SLC17A2: variants seen among roughly 807,000 people sequenced by gnomAD.
The protein encoded by SLC17A2 is solute carrier family 17 member 2, also known as sodium-dependent phosphate transport protein 3.
A neutral mutation model predicts 52.1 loss-of-function variants in SLC17A2; 38 were observed. That is an observed-to-expected ratio of 0.73 (90% CI 0.56 to 0.96). The LOEUF is 0.96. Among genes scored for constraint, SLC17A2 ranks in the 40% least tolerant of loss-of-function variants. The pLI is 0.00. For missense variants in SLC17A2, 508 were observed against 583.9 expected (o/e 0.87, Z 1.34); for synonymous variants, 226 against 211.9 (o/e 1.07, Z -0.58).
chr6:25,919,734 G>C (rs973551606), intron 5 of SLC17A2, among the ~76,000 whole-genome samples: 9 of 96,650 alleles, frequency 9.3e-5, no homozygotes, highest in Non-Finnish European at 1.9e-4. Flanking sequence ...AAAAGGTTTA[G>C]GAAGTTTTTA....
At position 25,920,879 on chromosome 6, in the gene SLC17A2, GTC is replaced by G. The variant is rs1766525512; in HGVS notation, c.562+125_562+126del. 16 of 773,638 alleles carry G rather than the reference GTC, an allele frequency of 2.1e-5. No individual in the cohort carries two copies. In the South Asian group the frequency reaches 2.6e-4, roughly 12 times the overall value. The allele number at this position is 773,638 out of a possible 1,614,324, so 47.9% of individuals were successfully genotyped here. A position where few individuals can be genotyped will look rare whatever the true frequency, so the allele number is the denominator to read the frequency against. ...CATCTTTCCTATTTGTGATGCAAGT[GTC>G]TTATATTGTTGAATTTTTCAGCAGT... On this transcript the variant is annotated intron_variant, in intron 5 of 11. Coordinates refer to ENST00000377850, the MANE Select transcript of SLC17A2 (RefSeq NM_001286123.3).
At chr6:25,927,253 A>G (rs1766801623) in intron 1 of SLC17A2, among the ~76,000 whole-genome samples, 1 of 152,258 alleles carries the variant, frequency 6.6e-6, no homozygotes, top group African/African-American at 2.4e-5. Flanking sequence ...TATCCTTTGT[A>G]GTATTACTCA....
At chr6:25,921,582 T>C (rs1340932749) in intron 3 of SLC17A2, among the ~76,000 whole-genome samples, 170 bp from the exon 4 acceptor site, 1 of 130,020 alleles carries the variant, frequency 7.7e-6, no homozygotes, top group Non-Finnish European at 1.7e-5. Flanking sequence ...AATTTGCTTG[T>C]CTTAGTAGAA....
chr6:25,925,204 C>A (rs1258067423), intron 2 of SLC17A2, among the ~76,000 whole-genome samples: 1 of 152,062 alleles, frequency 6.6e-6, no homozygotes. Context: ...GGGATTCATA[C>A]ATAGGTTGGT....
At position 25,915,977 on chromosome 6, in the gene SLC17A2, T is replaced by TG. The variant is rs1466205302; in HGVS notation, c.931-110dup. On this transcript the variant is annotated intron_variant, in intron 8 of 11. Coordinates refer to ENST00000377850, the MANE Select transcript of SLC17A2 (RefSeq NM_001286123.3). ...TACCCCCATGATACTGTGGGTTGTT[T>TG]GGGGGAAAATTAGCATCCTTTTTCA... 4.9e-6 allele frequency: 5 copies of TG among 1,025,542 alleles called. No homozygotes were observed. In the East Asian group the frequency reaches 1.3e-4, roughly 27 times the overall value. The allele number at this position is 1,025,542 out of a possible 1,614,324, so 63.5% of individuals were successfully genotyped here.
chr6:25,925,080 G>A (rs567058257), intron 2 of SLC17A2, among the ~76,000 whole-genome samples: 1 of 152,088 alleles, frequency 6.6e-6, no homozygotes, highest in South Asian at 2.1e-4. Flanking sequence ...AATTTTTAAT[G>A]GCCAAAAAAG....
At chr6:25,919,764 T>C (rs917137138) in intron 5 of SLC17A2, among the ~76,000 whole-genome samples, 6 of 107,644 alleles carry the variant, frequency 5.6e-5, no homozygotes, top group African/African-American at 2.1e-4. Context: ...TGCAATAGGA[T>C]AGATGGAATT....
At chr6:25,927,216 G>A (rs1038504507) in intron 1 of SLC17A2, among the ~76,000 whole-genome samples, 1 of 152,150 alleles carries the variant, frequency 6.6e-6, no homozygotes, top group Non-Finnish European at 1.5e-5. Context: ...ATAAAGAAAG[G>A]CATAGATGAA....
At chr6:25,919,693 C>T (rs1237935459) in intron 5 of SLC17A2, among the ~76,000 whole-genome samples, 1 of 51,112 alleles carries the variant, frequency 2.0e-5, no homozygotes, top group Non-Finnish European at 4.2e-5. Context: ...GAGTGAGACA[C>T]CGTCTCAAAA....
rs778612356 is a variant in SLC17A2 at position 25,925,806 on chromosome 6, G to A, written c.-10C>T. ...CAGGCTTCCCGTCCATTTAGCTTCT[G>A]TGGGAAATGGTACCACGCTTTGTGG... On this transcript the variant is annotated 5_prime_UTR_variant, in exon 2 of 12. Transcript: ENST00000377850. 6.2e-6 allele frequency: 10 copies of A among 1,613,944 alleles called. No homozygotes were observed. In the African/African-American group the frequency reaches 8.0e-5, roughly 13 times the overall value.
intron 3 of SLC17A2, among the ~76,000 whole-genome samples, chr6:25,922,126 CCAA>C (rs1416327603): frequency 3.3e-5 from 5 of 150,694 alleles, no homozygotes; most frequent in Admixed American, 2.0e-4. Flanking sequence ...AAGTAGAGAG[CCAA>C]AGAATATAAA....
In SLC17A2 at chr6:25,916,697, A is replaced by G. The variant is rs1319293034; in HGVS notation, c.918T>C (p.Val306=). 4.3e-6 allele frequency: 7 copies of G among 1,612,770 alleles called. No individual in the cohort carries two copies. Among genetic ancestry groups the G allele is most frequent in the South Asian group, 1.1e-5 (1 of 91,058 alleles). ...LPTYISTLLH[V]NIRDSGVLSS... ...GAAGTAAACTCACATCTCTGATGTTAACATGGAGCAGAGTACTGATATACG... is the reference window on the plus strand; with the variant it reads ...GAAGTAAACTCACATCTCTGATGTTGACATGGAGCAGAGTACTGATATACG... Residue 306 remains valine (V), a synonymous_variant, in exon 8 of 12, where the codon GTT becomes GTC. Coordinates refer to ENST00000377850, the MANE Select transcript of SLC17A2 (RefSeq NM_001286123.3).
chr6:25,925,695 G>A, intron 2 of SLC17A2, 74 bp downstream of exon 2: 1 of 1,314,950 alleles, frequency 7.6e-7, no homozygotes, highest in Non-Finnish European at 1.1e-6. Flanking sequence ...TCAGTGTGAT[G>A]CAGAGATGTG....
chr6:25,928,481 C>G (rs923127736), intron 1 of SLC17A2, among the ~76,000 whole-genome samples: 2 of 152,150 alleles, frequency 1.3e-5, no homozygotes, highest in South Asian at 4.1e-4. Context: ...AGTTTTTCTT[C>G]CCATTCTCTG....
chr6:25,920,134 T>C (rs1766496552), intron 5 of SLC17A2, among the ~76,000 whole-genome samples: 1 of 151,996 alleles, frequency 6.6e-6, no homozygotes, highest in Admixed American at 6.6e-5. Context: ...TATTTGCAAA[T>C]AGAGGAGATG....
intron 1 of SLC17A2, among the ~76,000 whole-genome samples, chr6:25,929,201 C>T (rs1766866999): frequency 6.6e-6 from 1 of 152,148 alleles, no homozygotes; most frequent in South Asian, 2.1e-4. Flanking sequence ...TATTCAAGGA[C>T]TGAATTCTGC....
rs1322819367 is a variant in SLC17A2 at position 25,915,538 on chromosome 6, T to C, written c.1172A>G (p.Asp391Gly). ...TAAGGTGTTGATGATAAACCCTGAG[T>C]CACATAGGTTACTGGTCCCAGGAAT... Reference protein sequence around the residue: ...ILIPGTSNLCDSGFIINTLDI... With the variant: ...ILIPGTSNLCGSGFIINTLDI... The change falls in exon 10 of 12, where the codon GAC (aspartate) becomes GGC (glycine). Residue 391 changes from aspartate to glycine, a missense_variant. Coordinates refer to ENST00000377850, the MANE Select transcript of SLC17A2 (RefSeq NM_001286123.3). The C allele has an allele frequency of 6.4e-7, 1 of 1,569,824 alleles. No individual in the cohort carries two copies.
At chr6:25,928,269 A>G (rs1475879083) in intron 1 of SLC17A2, among the ~76,000 whole-genome samples, 1 of 151,778 alleles carries the variant, frequency 6.6e-6, no homozygotes, top group Non-Finnish European at 1.5e-5. Flanking sequence ...CAAGCTTAAA[A>G]CTCAATGGGG....
chr6:25,920,845 G>T (rs1766524024), intron 5 of SLC17A2, among the ~76,000 whole-genome samples, 161 bp downstream of exon 5: 1 of 152,156 alleles, frequency 6.6e-6, no homozygotes, highest in South Asian at 2.1e-4. Flanking sequence ...TGTCTTTACT[G>T]CACAGATGCA....
Sources: allele counts gnomAD v4.1 joint callset (sites outside exome capture counted in the v4.1 genomes callset), GRCh38; gene constraint gnomAD v4.1.1; transcripts MANE v1.5; gene names NCBI Gene and HGNC (gene_info 2026-07-23, HGNC 2026-07-21).